Variants in BDH2 observed in about 807,000 individuals in gnomAD.
BDH2 encodes dehydrogenase/reductase SDR family member 6.
Under a neutral mutation model 33.2 loss-of-function variants are expected in BDH2, and 24 were observed. That is an observed-to-expected ratio of 0.72 (90% CI 0.52 to 1.02). BDH2 has a LOEUF of 1.02. Ranked by LOEUF, BDH2 falls within the 50% of genes least tolerant of loss-of-function variation. BDH2 has a pLI of 0.00. For synonymous variants in BDH2, 81 were observed against 101.6 expected (o/e 0.80, Z 1.22); for missense variants, 249 against 301.6 (o/e 0.83, Z 1.29).
At chr4:103,085,607 T>G (rs1264121869) in intron 6 of BDH2, 145 bp from the exon 7 acceptor site, 1 of 1,466,264 alleles carries the variant, frequency 6.8e-7, no homozygotes, top group Non-Finnish European at 9.2e-7. Flanking sequence ...TATCAGATTT[T>G]TTTCCTTCAA....
At chr4:103,096,464 C>T (rs1244183891) in intron 1 of BDH2, among the ~76,000 whole-genome samples, 190 bp from the exon 2 acceptor site, 1 of 151,960 alleles carries the variant, frequency 6.6e-6, no homozygotes, top group African/African-American at 2.4e-5. Flanking sequence ...CTCTGCATAC[C>T]TAGCTTTGTA....
Position 103,079,722 on chromosome 4 carries a change from CAAT to C in BDH2, c.715_717del (p.Ile239del). ...TAAAATCACAAGCTCCAGCCTCCAT[CAAT>C]GATGACAGGGTTACCAGTTACATAA... On this transcript the variant is annotated inframe_deletion, in exon 10 of 10. Coordinates refer to ENST00000296424, the MANE Select transcript of BDH2 (RefSeq NM_020139.4). The C allele has an allele frequency of 6.2e-7, 1 of 1,614,032 alleles. No homozygotes were observed. Among genetic ancestry groups the C allele is most frequent in the Admixed American group, 1.7e-5 (1 of 60,034 alleles).
chr4:103,082,197 C>T (rs1253064173), intron 8 of BDH2, 24 bp from the exon 9 acceptor site: 2 of 1,597,232 alleles, frequency 1.3e-6, no homozygotes, highest in South Asian at 2.2e-5. Flanking sequence ...CCATACCAGA[C>T]ATTAGTGATG....
chr4:103,090,805 T>C (rs570115896), intron 5 of BDH2, among the ~76,000 whole-genome samples: 1 of 152,300 alleles, frequency 6.6e-6, no homozygotes, highest in East Asian at 1.9e-4. Flanking sequence ...ATTGATATCC[T>C]AGCTTCTTTC....
At position 103,085,395 on chromosome 4, in the gene BDH2, A is replaced by G. The variant is rs763868842; in HGVS notation, c.486T>C (p.Ala162=). Residue 162 remains alanine (A), a synonymous_variant, in exon 7 of 10, where the codon GCT becomes GCC. Transcript: ENST00000296424. ...AAVIGLTKSV[A]ADFIQQGIRC... is the part of the protein sequence containing the mutation. ...TGATGCCCTGCTGGATGAAATCTGCAGCCACAGATTTTGTGAGGCCAATCA... is the reference window on the plus strand; with the variant it reads ...TGATGCCCTGCTGGATGAAATCTGCGGCCACAGATTTTGTGAGGCCAATCA... 5 of 1,612,410 alleles carry G rather than the reference A, an allele frequency of 3.1e-6. No homozygotes were observed. The highest frequency in any genetic ancestry group is 4.2e-6 in the Non-Finnish European group (5 of 1,179,744).
intron 5 of BDH2, among the ~76,000 whole-genome samples, chr4:103,089,011 C>CT (rs1457282523): frequency 6.6e-6 from 1 of 152,186 alleles, no homozygotes; most frequent in Non-Finnish European, 1.5e-5. Context: ...TTGACCTCTT[C>CT]TTAAAGTATT....
chr4:103,097,940 T>A (rs1013541270), intron 1 of BDH2, among the ~76,000 whole-genome samples: 2 of 152,184 alleles, frequency 1.3e-5, no homozygotes, highest in Non-Finnish European at 2.9e-5. Context: ...TTCAGTTCTC[T>A]CTTTAGCCAA....
rs1256148716 is a variant in BDH2 at position 103,092,698 on chromosome 4, T to A, written c.152-2A>T. ...CATCAAGGACACGAGTTTGAATACC[T>A]GAAAAATAAAACAAGAGGCACTATT... On this transcript the variant is annotated splice_acceptor_variant, in intron 3 of 9. Transcript: ENST00000296424. LOFTEE classifies it high-confidence loss of function. 8 of 1,602,450 alleles carry A rather than the reference T, an allele frequency of 5.0e-6. No homozygotes were observed. Among genetic ancestry groups the A allele is most frequent in the Admixed American group, 1.7e-5 (1 of 59,880 alleles).
Position 103,091,261 on chromosome 4 carries a change from C to T in BDH2, c.273G>A (p.Leu91=). ...VAGFVHHGTV[L]DCEEKDWDFS... Reference sequence around the variant, plus strand: ...AGTCCCAGTCTTTCTCCTCACAATCCAGGACAGTTCCATGATGGACAAAAC... The same window carrying T: ...AGTCCCAGTCTTTCTCCTCACAATCTAGGACAGTTCCATGATGGACAAAAC... The change falls in exon 5 of 10, where the codon CTG becomes CTA. Residue 91 remains leucine (L), a synonymous_variant. Coordinates refer to ENST00000296424, the MANE Select transcript of BDH2 (RefSeq NM_020139.4). The T allele has an allele frequency of 6.2e-7, 1 of 1,613,054 alleles. No individual in the cohort carries two copies. The highest frequency in any genetic ancestry group is 8.5e-7 in the Non-Finnish European group (1 of 1,179,204).
chr4:103,087,336 A>AGAG (rs35503948), intron 5 of BDH2, among the ~76,000 whole-genome samples: 28,783 of 152,036 alleles, frequency 0.19, 2,809 homozygotes, highest in South Asian at 0.3. Flanking sequence ...GGTTTAAAGC[A>AGAG]GAGAAGTGGC....
chr4:103,098,163 G>T (rs1370376867), intron 1 of BDH2, among the ~76,000 whole-genome samples: 4 of 152,184 alleles, frequency 2.6e-5, no homozygotes, highest in African/African-American at 9.7e-5. Flanking sequence ...AGGCTGCTAG[G>T]GTTATCTAGT....
At chr4:103,090,090 C>A (rs1748006712) in intron 5 of BDH2, among the ~76,000 whole-genome samples, 1 of 152,116 alleles carries the variant, frequency 6.6e-6, no homozygotes, top group Non-Finnish European at 1.5e-5. Context: ...GACATCAAAT[C>A]CAGCTGGGAT....
At position 103,090,271 on chromosome 4, in the gene BDH2, C is replaced by T. The variant is rs189876151; in HGVS notation, c.357+906G>A. ...ATGTACGCTGCTCATGTTTATACTCCCCTAGAACACTTTATATAGTGATTT... is the reference window on the plus strand; with the variant it reads ...ATGTACGCTGCTCATGTTTATACTCTCCTAGAACACTTTATATAGTGATTT... On this transcript the variant is annotated intron_variant, in intron 5 of 9. Transcript: ENST00000296424. Among the ~76,000 whole-genome samples, 80 of 152,248 alleles carry T rather than the reference C, an allele frequency of 5.3e-4. 2 individuals are homozygous for T. Among genetic ancestry groups the T allele is most frequent in the Admixed American group, 5.0e-3 (77 of 15,302 alleles).
intron 3 of BDH2, among the ~76,000 whole-genome samples, chr4:103,093,323 T>C (rs557114717): frequency 6.6e-6 from 1 of 152,036 alleles, no homozygotes; most frequent in South Asian, 2.1e-4. Context: ...ATGACTCTGT[T>C]AGTCAAGGGT....
At chr4:103,091,361 G>T in intron 4 of BDH2, 76 bp from the exon 5 acceptor site, 1 of 918,562 alleles carries the variant, frequency 1.1e-6, no homozygotes, top group African/African-American at 1.6e-5. Flanking sequence ...TATTTTTATT[G>T]TCACTTAGTG....
At chr4:103,088,280 A>G (rs1255355735) in intron 5 of BDH2, among the ~76,000 whole-genome samples, 2 of 152,234 alleles carry the variant, frequency 1.3e-5, no homozygotes, top group African/African-American at 4.8e-5. Context: ...TTCCCCATTT[A>G]AAATACATAT....
chr4:103,086,379 A>G, intron 6 of BDH2, 101 bp downstream of exon 6: 4 of 1,438,302 alleles, frequency 2.8e-6, no homozygotes, highest in South Asian at 1.6e-5. Flanking sequence ...AATCATTTCA[A>G]TACTTGAAAT....
intron 3 of BDH2, 44 bp from the exon 4 acceptor site, chr4:103,092,740 C>T (rs1748171990): frequency 1.4e-6 from 2 of 1,414,798 alleles, no homozygotes; most frequent in Admixed American, 1.7e-5. Flanking sequence ...AATGTTTAGC[C>T]TTGAAGGTTT....
intron 5 of BDH2, among the ~76,000 whole-genome samples, chr4:103,088,295 T>A (rs541587193): frequency 2.4e-4 from 36 of 152,304 alleles, no homozygotes; most frequent in African/African-American, 7.7e-4. Flanking sequence ...ACATATAGAA[T>A]ACATATACCC....
Sources: gnomAD v4.1 joint callset for allele counts (sites outside exome capture counted in the v4.1 genomes callset) on GRCh38, gnomAD v4.1.1 for gene constraint, MANE v1.5 for transcripts, NCBI Gene and HGNC (gene_info 2026-07-23, HGNC 2026-07-21) for gene names.